NRG3: variants seen among roughly 807,000 people sequenced by gnomAD.
NRG3 encodes neuregulin 3, also known as pro-neuregulin-3, membrane-bound isoform.
A neutral mutation model predicts 66.9 loss-of-function variants in NRG3; 31 were observed. That is an observed-to-expected ratio of 0.46 (90% CI 0.35 to 0.63). The LOEUF (loss-of-function observed/expected upper bound fraction) is 0.63. Ranked by LOEUF, NRG3 falls within the 20% of genes least tolerant of loss-of-function variation. The probability of loss-of-function intolerance (pLI) is 0.00; values close to 1 mark genes in which losing one functional copy is unlikely to be tolerated. For missense variants in NRG3, 910 were observed against 878.9 expected (o/e 1.04, Z -0.45); for synonymous variants, 393 against 359.4 (o/e 1.09, Z -1.06).
intron 1 of NRG3, among the ~76,000 whole-genome samples, chr10:82,075,066 C>A (rs923324898): frequency 2.6e-5 from 4 of 152,148 alleles, no homozygotes; most frequent in African/African-American, 4.8e-5. Context: ...TTAAGTGTCA[C>A]TATTTTGATG....
At chr10:82,373,581 A>G (rs959097163) in intron 2 of NRG3, among the ~76,000 whole-genome samples, 2 of 152,210 alleles carry the variant, frequency 1.3e-5, no homozygotes, top group Non-Finnish European at 2.9e-5. Flanking sequence ...CTGCTGGAGG[A>G]AAAACATTCT....
In NRG3 at chr10:82,170,191, T is replaced by G. The variant is rs75012140; in HGVS notation, c.824-188548T>G. Among the ~76,000 whole-genome samples the G allele has an allele frequency of 6.1e-3, 924 of 152,064 alleles. 11 individuals carry two copies. Among genetic ancestry groups the G allele is most frequent in the African/African-American group, 0.021 (882 of 41,512 alleles). On this transcript the variant is annotated intron_variant, in intron 1 of 8. Transcript: ENST00000372141. ...AACAGAATAGACCATTCTAATGGAG[T>G]CCCATCTGTTCCTGGCCTATGGGTT...
chr10:82,777,661 G>C (rs2059958824), intron 3 of NRG3, among the ~76,000 whole-genome samples: 1 of 152,100 alleles, frequency 6.6e-6, no homozygotes, highest in Non-Finnish European at 1.5e-5. Context: ...TGTTCTACAG[G>C]CTTAGTACTT....
intron 1 of NRG3, among the ~76,000 whole-genome samples, chr10:82,158,146 G>A (rs987529267): frequency 4.0e-5 from 6 of 151,668 alleles, no homozygotes; most frequent in Non-Finnish European, 7.4e-5. Context: ...CCTTGATAAG[G>A]AAAATATGCA....
chr10:81,986,705 T>G (rs933709287), intron 1 of NRG3, among the ~76,000 whole-genome samples: 3 of 152,200 alleles, frequency 2.0e-5, no homozygotes, highest in African/African-American at 7.2e-5. Context: ...TTTATTTTAA[T>G]TTTTTTGAGG....
At chr10:82,844,671 CTT>C (rs35056787) in intron 3 of NRG3, among the ~76,000 whole-genome samples, 2,409 of 138,464 alleles carry the variant, frequency 0.017, 53 homozygotes, top group African/African-American at 0.055. Flanking sequence ...CCTCTACAAT[CTT>C]TTTTTTTTTT....
At chr10:82,533,982 G>T (rs1183181383) in intron 2 of NRG3, among the ~76,000 whole-genome samples, 3 of 152,010 alleles carry the variant, frequency 2.0e-5, no homozygotes, top group Non-Finnish European at 4.4e-5. Context: ...TATCTGAAAA[G>T]AAAATTAGGA....
At chr10:81,924,759 T>A (rs1240918914) in intron 1 of NRG3, among the ~76,000 whole-genome samples, 1 of 152,182 alleles carries the variant, frequency 6.6e-6, no homozygotes, top group Non-Finnish European at 1.5e-5. Flanking sequence ...ATTATTCAGA[T>A]CAAAGAAGGT....
chr10:82,433,966 T>TA (rs1164599503), intron 2 of NRG3, among the ~76,000 whole-genome samples: 1 of 152,106 alleles, frequency 6.6e-6, no homozygotes, highest in African/African-American at 2.4e-5. Flanking sequence ...TTTAACCTAG[T>TA]TTTTTCTAAT....
At chr10:82,564,662 G>A (rs1443662249) in intron 2 of NRG3, among the ~76,000 whole-genome samples, 1 of 152,008 alleles carries the variant, frequency 6.6e-6, no homozygotes, top group Non-Finnish European at 1.5e-5. Context: ...AAGATTCCAG[G>A]TGAATCCGGA....
At position 82,202,567 on chromosome 10, in the gene NRG3, C is replaced by T. The variant is rs541235091; in HGVS notation, c.824-156172C>T. Reference sequence around the variant, plus strand: ...ACATTATTTTCTATTTTACAAATTACACTATCAATATTACTTGGAAATCCT... The same window carrying T: ...ACATTATTTTCTATTTTACAAATTATACTATCAATATTACTTGGAAATCCT... On this transcript the variant is annotated intron_variant, in intron 1 of 8. Coordinates refer to ENST00000372141, the MANE Select transcript of NRG3 (RefSeq NM_001010848.4). Among the ~76,000 whole-genome samples the T allele has an allele frequency of 3.9e-5, 6 of 152,226 alleles. No homozygotes were observed. The East Asian group carries it at 7.7e-4, about 20-fold the overall frequency.
intron 1 of NRG3, among the ~76,000 whole-genome samples, chr10:82,185,024 G>A (rs753693515): frequency 1.3e-5 from 2 of 152,160 alleles, no homozygotes; most frequent in African/African-American, 2.4e-5. Context: ...TACATCTTGA[G>A]TCTATTACCT....
chr10:82,850,621 T>C (rs342387), intron 3 of NRG3, among the ~76,000 whole-genome samples: 51,756 of 151,852 alleles, frequency 0.34, 9,155 homozygotes, highest in African/African-American at 0.45. Context: ...AGCTCAAAAA[T>C]TGGTTGAAAA....
chr10:82,047,442 T>TATTCTTAAAGGAAAGA (rs1187707541), intron 1 of NRG3, among the ~76,000 whole-genome samples: 1 of 151,956 alleles, frequency 6.6e-6, no homozygotes, highest in Non-Finnish European at 1.5e-5. Flanking sequence ...TGGGGGACAA[T>TATTCTTAAAGGAAAGA]ATTCAACATT....
chr10:82,255,401 G>A (rs75491132), intron 1 of NRG3, among the ~76,000 whole-genome samples: 6,021 of 152,226 alleles, frequency 0.04, 163 homozygotes, highest in Middle Eastern at 0.085. Context: ...AGTCTGAATA[G>A]ACTGTGGACT....
intron 1 of NRG3, among the ~76,000 whole-genome samples, chr10:82,219,618 G>T (rs984359443): frequency 6.6e-6 from 1 of 152,050 alleles, no homozygotes; most frequent in Non-Finnish European, 1.5e-5. Context: ...TAGCAAATTA[G>T]TTCTAGAACC....
intron 3 of NRG3, among the ~76,000 whole-genome samples, chr10:82,771,773 G>A (rs2059720079): frequency 6.6e-6 from 1 of 152,004 alleles, no homozygotes; most frequent in Non-Finnish European, 1.5e-5. Context: ...CATCTCAATA[G>A]CACTTCAAGC....
intron 1 of NRG3, among the ~76,000 whole-genome samples, chr10:82,201,482 T>A (rs1027001078): frequency 1.4e-4 from 21 of 152,158 alleles, no homozygotes; most frequent in Non-Finnish European, 2.9e-4. Context: ...TCAGTCTTCA[T>A]GTTAAAAGGA....
chr10:82,519,163 A>G (rs1455816403), intron 2 of NRG3, among the ~76,000 whole-genome samples: 2 of 152,188 alleles, frequency 1.3e-5, no homozygotes, highest in African/African-American at 4.8e-5. Context: ...AGATCTGATC[A>G]AATGGATCCT....
Sources: gnomAD v4.1 joint callset for allele counts (sites outside exome capture counted in the v4.1 genomes callset) on GRCh38, gnomAD v4.1.1 for gene constraint, MANE v1.5 for transcripts, NCBI Gene and HGNC (gene_info 2026-07-23, HGNC 2026-07-21) for gene names.